FBXL2: variants seen among roughly 807,000 people sequenced by gnomAD.
FBXL2 encodes F-box/LRR-repeat protein 2.
A neutral mutation model predicts 69.2 loss-of-function variants in FBXL2; 38 were observed. The observed-to-expected ratio is 0.55, with a 90% confidence interval of 0.42 to 0.72. The LOEUF (loss-of-function observed/expected upper bound fraction) is 0.72, where lower values mean the gene tolerates loss of function less well. Among genes scored for constraint, FBXL2 ranks in the 30% least tolerant of loss-of-function variants. The probability of loss-of-function intolerance (pLI) is 0.00; values close to 1 mark genes in which losing one functional copy is unlikely to be tolerated. For synonymous variants in FBXL2, 192 were observed against 201.3 expected (o/e 0.95, Z 0.39); for missense variants, 354 against 520.3 (o/e 0.68, Z 3.11).
rs2044041186 is a variant in FBXL2 at position 33,397,347 on chromosome 3, G to C, written n.1215-5887G>C. The C allele has an allele frequency of 1.5e-5, 6 of 399,304 alleles. No homozygotes were observed. In the East Asian group the frequency reaches 2.4e-4, roughly 16 times the overall value. 24.7% of individuals were successfully genotyped at this position (399,304 alleles called of 1,614,324 possible). ...TTTCCATGTCCTGTATCAAGAAGGA[G>C]CTTAGAAGTCCTGAGGCTGATGAAT... On this transcript the variant is annotated intron_variant and non_coding_transcript_variant, in intron 12 of 12. Coordinates refer to the FBXL2 transcript ENST00000463736.
At chr3:33,340,168 T>C (rs979970754) in intron 2 of FBXL2, among the ~76,000 whole-genome samples, 5 of 152,188 alleles carry the variant, frequency 3.3e-5, no homozygotes, top group Non-Finnish European at 7.3e-5. Context: ...ACAGAATCTT[T>C]TGGTGTTGAA....
chr3:33,297,060 A>T (rs2035815037), intron 1 of FBXL2, among the ~76,000 whole-genome samples: 1 of 152,138 alleles, frequency 6.6e-6, no homozygotes, highest in Middle Eastern at 3.4e-3. Flanking sequence ...GCCTTCTTTA[A>T]TTTTTCTCAA....
intron 5 of FBXL2, among the ~76,000 whole-genome samples, chr3:33,368,395 C>T (rs1300873306): frequency 6.6e-6 from 1 of 152,192 alleles, no homozygotes; most frequent in African/African-American, 2.4e-5. Flanking sequence ...TGTATATAAA[C>T]ATTTAGAATT....
chr3:33,345,142 GAGATC>G (rs1388452826), intron 2 of FBXL2, among the ~76,000 whole-genome samples: 1 of 152,192 alleles, frequency 6.6e-6, no homozygotes, highest in Non-Finnish European at 1.5e-5. Flanking sequence ...AACAGTTCTG[GAGATC>G]AGAGTCTGAA....
chr3:33,363,099 G>A (rs1484251609), intron 4 of FBXL2, among the ~76,000 whole-genome samples: 3 of 152,120 alleles, frequency 2.0e-5, no homozygotes, highest in African/African-American at 7.2e-5. Flanking sequence ...GGACTGCAGT[G>A]GCATGATCTT....
intron 12 of FBXL2, chr3:33,396,026 G>T: frequency 1.5e-6 from 1 of 670,676 alleles, no homozygotes; most frequent in Non-Finnish European, 2.4e-6. Context: ...ACCTCTCATT[G>T]CTGTCAAGGC....
At chr3:33,344,936 G>C (rs1330928949) in intron 2 of FBXL2, among the ~76,000 whole-genome samples, 1 of 152,164 alleles carries the variant, frequency 6.6e-6, no homozygotes, top group Non-Finnish European at 1.5e-5. Flanking sequence ...GAAGATTCCT[G>C]TATCTGTTAA....
intron 2 of FBXL2, among the ~76,000 whole-genome samples, chr3:33,347,810 G>A (rs2040554931): frequency 6.6e-6 from 1 of 151,992 alleles, no homozygotes; most frequent in Non-Finnish European, 1.5e-5. Context: ...TTTGCCATTT[G>A]TGTCTTCTTT....
At chr3:33,332,252 T>A (rs1051603402) in intron 2 of FBXL2, among the ~76,000 whole-genome samples, 2 of 152,218 alleles carry the variant, frequency 1.3e-5, no homozygotes, top group African/African-American at 4.8e-5. Flanking sequence ...AGAAAAATAT[T>A]TTCCATGTGC....
Position 33,385,649 on chromosome 3 carries a change from C to A in FBXL2, c.*41C>A. The A allele has an allele frequency of 6.6e-7, 1 of 1,513,650 alleles. No individual in the cohort carries two copies. The highest frequency in any genetic ancestry group is 9.2e-7 in the Non-Finnish European group (1 of 1,088,936). The allele number at this position is 1,513,650 out of a possible 1,614,324, so 93.8% of individuals were successfully genotyped here. A position where few individuals can be genotyped will look rare whatever the true frequency, so the allele number is the denominator to read the frequency against. On this transcript the variant is annotated 3_prime_UTR_variant, in exon 15 of 15. Transcript: ENST00000484457. ...CCCAAGGGGTGATGAGGCATCCTTT[C>A]CTCTAGAAGACCTGAGTCTTCCTGA... is the stretch of plus-strand genomic sequence containing the variant.
At chr3:33,412,491 G>A in the FBXL2 span, among the ~76,000 whole-genome samples, 1 of 149,408 alleles carries the variant, frequency 6.7e-6, no homozygotes, top group African/African-American at 2.5e-5. Context: ...GCTAAGGCAG[G>A]AAAATCACTT....
Position 33,297,655 on chromosome 3 carries a change from TC to T in FBXL2, c.4-8del, listed in dbSNP as rs775937749. On this transcript the variant is annotated splice_polypyrimidine_tract_variant and splice_region_variant and intron_variant, in intron 1 of 14. Coordinates refer to ENST00000484457, the MANE Select transcript of FBXL2 (RefSeq NM_012157.5). ...ATTTTCACAATTTCCTTTTTTTTTT[TC>T]TTTCCAGGTTTTCTCAAACAATGAT... 7.8e-6 allele frequency: 12 copies of T among 1,529,846 alleles called. No homozygotes were observed. Among genetic ancestry groups the T allele is most frequent in the Admixed American group, 4.1e-5 (2 of 48,642 alleles). 94.8% of individuals were successfully genotyped at this position (1,529,846 alleles called of 1,614,324 possible).
At chr3:33,324,611 G>A (rs1175937195) in intron 2 of FBXL2, among the ~76,000 whole-genome samples, 2 of 152,274 alleles carry the variant, frequency 1.3e-5, no homozygotes, top group Middle Eastern at 3.4e-3. Flanking sequence ...TCAGGTGGTT[G>A]TAGATATGTG....
chr3:33,410,402 A>G, the FBXL2 span, among the ~76,000 whole-genome samples: 1 of 152,236 alleles, frequency 6.6e-6, no homozygotes, highest in Non-Finnish European at 1.5e-5. Context: ...GATTTACTAC[A>G]TAACTAGTTG....
intron 2 of FBXL2, among the ~76,000 whole-genome samples, chr3:33,314,366 C>T (rs2037484403): frequency 6.6e-6 from 1 of 152,162 alleles, no homozygotes; most frequent in African/African-American, 2.4e-5. Flanking sequence ...TTCTACTCTC[C>T]TCTTCTATGA....
chr3:33,343,184 TATTC>T (rs1214169750), intron 2 of FBXL2, among the ~76,000 whole-genome samples: 3 of 152,036 alleles, frequency 2.0e-5, no homozygotes, highest in African/African-American at 7.2e-5. Flanking sequence ...CATTTTGTAA[TATTC>T]ATATGACACT....
intron 5 of FBXL2, among the ~76,000 whole-genome samples, chr3:33,365,047 T>G (rs1464669131): frequency 6.6e-6 from 1 of 152,196 alleles, no homozygotes; most frequent in Non-Finnish European, 1.5e-5. Flanking sequence ...CTCTTTTCTA[T>G]TCCCTTCTTC....
At chr3:33,411,957 C>G in the FBXL2 span, among the ~76,000 whole-genome samples, 1 of 151,934 alleles carries the variant, frequency 6.6e-6, no homozygotes, top group Non-Finnish European at 1.5e-5. Flanking sequence ...GAGGCCAAGG[C>G]AGGTGGATAA....
intron 1 of FBXL2, among the ~76,000 whole-genome samples, chr3:33,281,665 T>G (rs1232073550): frequency 6.6e-6 from 1 of 152,142 alleles, no homozygotes. Context: ...ACACGAACAG[T>G]GTAAAAGTGT....
Sources: gnomAD v4.1 joint callset for allele counts (sites outside exome capture counted in the v4.1 genomes callset) on GRCh38, gnomAD v4.1.1 for gene constraint, MANE v1.5 for transcripts, NCBI Gene and HGNC (gene_info 2026-07-23, HGNC 2026-07-21) for gene names.